The following MAF variants were observed in gnomAD, a reference collection of about 807,000 sequenced individuals.
MAF encodes transcription factor Maf.
MAF carries 10 observed loss-of-function variants against 22.0 expected under a neutral mutation model. The ratio of observed to expected loss-of-function variants is 0.45; its 90% confidence interval spans 0.28 to 0.77. The LOEUF (loss-of-function observed/expected upper bound fraction) is 0.77. Among genes scored for constraint, MAF ranks in the 30% least tolerant of loss-of-function variants. The pLI, the probability that MAF is intolerant of heterozygous loss-of-function variation, is 0.12. For synonymous variants in MAF, 337 were observed against 255.8 expected, an observed-to-expected ratio of 1.32 and a Z score of -3.03; for missense variants, 544 against 548.4, an observed-to-expected ratio of 0.99 and a Z score of 0.08.
chr16:79,380,024 C>T, the MAF span, among the ~76,000 whole-genome samples: 21 of 152,186 alleles, frequency 1.4e-4, no homozygotes, highest in Admixed American at 2.0e-4. Context: ...CCAGGTAACA[C>T]GCACACTCCC....
At chr16:79,386,314 T>C in the MAF span, among the ~76,000 whole-genome samples, 4 of 152,214 alleles carry the variant, frequency 2.6e-5, 1 homozygote, top group Admixed American at 2.6e-4. Context: ...GGGTTCCATC[T>C]GGGGGTGATG....
chr16:79,548,448 G>C, the MAF span, among the ~76,000 whole-genome samples: 1 of 152,170 alleles, frequency 6.6e-6, no homozygotes, highest in African/African-American at 2.4e-5. Flanking sequence ...GGAAAAAACA[G>C]CTTTATATGT....
the MAF span, among the ~76,000 whole-genome samples, chr16:79,397,449 T>G: frequency 2.0e-5 from 3 of 152,256 alleles, no homozygotes; most frequent in African/African-American, 4.8e-5. Flanking sequence ...GCTCATATTT[T>G]TTTCATTCTA....
downstream of MAF, among the ~76,000 whole-genome samples, chr16:79,581,188 T>A (rs1597827725): frequency 1.3e-5 from 2 of 152,292 alleles, no homozygotes; most frequent in Middle Eastern, 6.8e-3. Flanking sequence ...AAAGAAGTAA[T>A]GAAAGTTAAA....
chr16:79,361,307 T>G, the MAF span, among the ~76,000 whole-genome samples: 1 of 152,102 alleles, frequency 6.6e-6, no homozygotes, highest in Non-Finnish European at 1.5e-5. Flanking sequence ...GAGTCCCTCC[T>G]CTAGGTGTAC....
the MAF span, among the ~76,000 whole-genome samples, chr16:79,477,669 A>G: frequency 3.9e-5 from 6 of 152,050 alleles, no homozygotes; most frequent in African/African-American, 1.4e-4. Context: ...TATCTTATTT[A>G]TTCTGTGAGA....
chr16:79,413,593 C>T, the MAF span, among the ~76,000 whole-genome samples: 5 of 152,006 alleles, frequency 3.3e-5, no homozygotes, highest in African/African-American at 4.8e-5. Flanking sequence ...CTCTCTTTAA[C>T]CAGGGATAAA....
the MAF span, among the ~76,000 whole-genome samples, chr16:79,219,806 C>T: frequency 5.3e-5 from 8 of 152,092 alleles, no homozygotes; most frequent in African/African-American, 1.9e-4. Context: ...CTTGTTTAGG[C>T]TTCTCTAAGC....
At chr16:79,382,103 C>A in the MAF span, among the ~76,000 whole-genome samples, 2 of 152,160 alleles carry the variant, frequency 1.3e-5, no homozygotes, top group Non-Finnish European at 2.9e-5. Flanking sequence ...TTAGGTGACA[C>A]TTTCCTGATT....
intron 1 of MAF, among the ~76,000 whole-genome samples, chr16:79,588,197 G>T (rs900901022): frequency 2.0e-5 from 3 of 152,126 alleles, no homozygotes; most frequent in Non-Finnish European, 2.9e-5. Flanking sequence ...TTTACATGGG[G>T]ATCGCAACCT....
At chr16:79,531,361 T>C in the MAF span, among the ~76,000 whole-genome samples, 2 of 152,152 alleles carry the variant, frequency 1.3e-5, no homozygotes, top group African/African-American at 2.4e-5. Context: ...CAGGGACTAG[T>C]TTCATAAAAG....
At chr16:79,446,321 C>T in the MAF span, among the ~76,000 whole-genome samples, 2 of 152,202 alleles carry the variant, frequency 1.3e-5, no homozygotes, top group Non-Finnish European at 2.9e-5. Flanking sequence ...GTCGCTTGTC[C>T]TCTGTGCTTC....
chr16:79,292,642 A>C, the MAF span, among the ~76,000 whole-genome samples: 2 of 152,126 alleles, frequency 1.3e-5, no homozygotes, highest in African/African-American at 4.8e-5. Flanking sequence ...TGAGGTTGAG[A>C]CCTATGGGGC....
At chr16:79,597,182 T>C in intron 1 of MAF, 1 of 1,054,734 alleles carries the variant, frequency 9.5e-7, no homozygotes, top group Non-Finnish European at 1.1e-6. Flanking sequence ...AACAATTTAG[T>C]GCATCAATCG....
the MAF span, among the ~76,000 whole-genome samples, chr16:79,559,263 G>A: frequency 1.3e-5 from 2 of 152,264 alleles, no homozygotes; most frequent in Non-Finnish European, 2.9e-5. Flanking sequence ...ATGAACCACT[G>A]TTAGAAGCAG....
At chr16:79,437,660 G>T in the MAF span, among the ~76,000 whole-genome samples, 1 of 151,946 alleles carries the variant, frequency 6.6e-6, no homozygotes, top group Non-Finnish European at 1.5e-5. Context: ...CAGCTTCACC[G>T]TGGAGGGGAC....
At chr16:79,598,197 G>A (rs967590914) in intron 1 of MAF, 2 of 1,055,722 alleles carry the variant, frequency 1.9e-6, no homozygotes, top group Non-Finnish European at 2.3e-6. Context: ...GAAGAGATGG[G>A]TTGAGAAGGA....
the MAF span, among the ~76,000 whole-genome samples, chr16:79,291,344 C>G: frequency 6.6e-6 from 1 of 152,122 alleles, no homozygotes. Context: ...CTTCTCTCCT[C>G]TCCTTCAGGT....
chr16:79,460,066 T>C, the MAF span, among the ~76,000 whole-genome samples: 3 of 152,312 alleles, frequency 2.0e-5, no homozygotes, highest in East Asian at 5.8e-4. Context: ...CGGCTTTTTA[T>C]CTTTTTATTA....
Sources: allele counts gnomAD v4.1 joint callset (sites outside exome capture counted in the v4.1 genomes callset), GRCh38; gene constraint gnomAD v4.1.1; transcripts MANE v1.5; gene names NCBI Gene and HGNC (gene_info 2026-07-23, HGNC 2026-07-21).